CACUL1: variants seen among roughly 807,000 people sequenced by gnomAD.
The protein encoded by CACUL1 is CDK2-associated and cullin domain-containing protein 1.
CACUL1 carries 13 observed loss-of-function variants against 45.2 expected under a neutral mutation model. That is an observed-to-expected ratio of 0.29 (90% CI 0.19 to 0.46). The LOEUF is 0.46. Among genes scored for constraint, CACUL1 ranks in the 20% least tolerant of loss-of-function variants. The probability of loss-of-function intolerance (pLI) is 1.00; values close to 1 mark genes in which losing one functional copy is unlikely to be tolerated. For missense variants in CACUL1, 421 were observed against 471.4 expected (o/e 0.89, Z 0.99); for synonymous variants, 197 against 174.2 (o/e 1.13, Z -1.03).
intron 4 of CACUL1, among the ~76,000 whole-genome samples, chr10:118,706,106 G>A (rs1480148999): frequency 2.0e-5 from 3 of 152,192 alleles, no homozygotes; most frequent in East Asian, 3.8e-4. Context: ...ACAGAAAAGC[G>A]TGAATCACCT....
intron 3 of CACUL1, among the ~76,000 whole-genome samples, chr10:118,716,140 G>A (rs1845542100): frequency 6.6e-6 from 1 of 151,780 alleles, no homozygotes; most frequent in Non-Finnish European, 1.5e-5. Flanking sequence ...GCTGAGGCAG[G>A]AGAATGGCAT....
chr10:118,737,689 TAA>T lies in CACUL1; in HGVS notation c.368-7281_368-7280del, dbSNP rs60182117. 8.6e-3 allele frequency among the ~76,000 whole-genome samples: 1,214 copies of T among 141,390 alleles called. 14 individuals are homozygous for T. The highest frequency in any genetic ancestry group is 0.023 in the African/African-American group (895 of 38,348). The allele number at this position is 141,390 out of a possible 152,430, so 92.8% of individuals were successfully genotyped here. ...GAAACCTCCTTCATCACTACTATCT[TAA>T]AAAAAAAAAAAAAAACCTAGCTGTA... On this transcript the variant is annotated intron_variant, in intron 1 of 8. Coordinates refer to ENST00000369151, the MANE Select transcript of CACUL1 (RefSeq NM_153810.5).
chr10:118,716,906 A>ATCTTAT (rs1190992897), intron 3 of CACUL1, among the ~76,000 whole-genome samples: 2 of 152,158 alleles, frequency 1.3e-5, no homozygotes, highest in Non-Finnish European at 2.9e-5. Flanking sequence ...CCAGCGCACT[A>ATCTTAT]TCTTATTCTT....
Position 118,733,847 on chromosome 10 carries a change from AC to A in CACUL1, c.368-3438del, listed in dbSNP as rs1401838932. On this transcript the variant is annotated intron_variant, in intron 1 of 8. Transcript: ENST00000369151. Reference sequence around the variant, plus strand: ...GGAAACATGGTAAGACCTTACCTCTACAAAAACTTAAAAAAAAAAATTAGCC... The same window carrying A: ...GGAAACATGGTAAGACCTTACCTCTAAAAAACTTAAAAAAAAAAATTAGCC... 1.4e-4 allele frequency among the ~76,000 whole-genome samples: 5 copies of A among 35,012 alleles called. No homozygotes were observed. The East Asian group carries it at 4.1e-3, about 29-fold the overall frequency. The allele number at this position is 35,012 out of a possible 152,430, so 23.0% of individuals were successfully genotyped here.
In CACUL1 at chr10:118,682,239, G is replaced by A. The variant is rs1476390562; in HGVS notation, c.*3889C>T. On this transcript the variant is annotated 3_prime_UTR_variant, in exon 9 of 9. Coordinates refer to ENST00000369151, the MANE Select transcript of CACUL1 (RefSeq NM_153810.5). ...CTAGATGACTAATGTAGGTTGTTTTGCTTTTTAGTTGCAAAGCTTTTCAGT... is the reference window on the plus strand; with the variant it reads ...CTAGATGACTAATGTAGGTTGTTTTACTTTTTAGTTGCAAAGCTTTTCAGT... 1 of 152,146 alleles carries A rather than the reference G, an allele frequency of 6.6e-6. No individual in the cohort carries two copies. The highest frequency in any genetic ancestry group is 2.4e-5 in the African/African-American group (1 of 41,444). 9.4% of individuals were successfully genotyped at this position (152,146 alleles called of 1,614,324 possible). A position where few individuals can be genotyped will look rare whatever the true frequency, so the allele number is the denominator to read the frequency against.
chr10:118,706,272 CTA>C (rs1317937349), intron 4 of CACUL1, among the ~76,000 whole-genome samples: 1 of 152,210 alleles, frequency 6.6e-6, no homozygotes, highest in East Asian at 1.9e-4. Context: ...GTCAAGAAAC[CTA>C]TTTACCCAGC....
intron 1 of CACUL1, among the ~76,000 whole-genome samples, chr10:118,731,838 A>T (rs1267901331): frequency 3.3e-5 from 5 of 152,370 alleles, no homozygotes; most frequent in Admixed American, 6.5e-5. Context: ...ATGTAAATTT[A>T]AAAAATCAAC....
At chr10:118,701,242 A>G in intron 5 of CACUL1, 64 bp downstream of exon 5, 1 of 982,000 alleles carries the variant, frequency 1.0e-6, no homozygotes, top group Non-Finnish European at 1.5e-6. Context: ...CTCAGACCAA[A>G]AAAAAAAGAA....
At chr10:118,686,712 G>T in intron 7 of CACUL1, 71 bp from the exon 8 acceptor site, 1 of 1,065,636 alleles carries the variant, frequency 9.4e-7, no homozygotes, top group Non-Finnish European at 1.5e-6. Flanking sequence ...CAACATATTT[G>T]ATAATAAAAG....
chr10:118,754,483 A>C lies in CACUL1; in HGVS notation c.280T>G (p.Cys94Gly), dbSNP rs777431733. 6.2e-7 allele frequency: 1 copy of C among 1,612,088 alleles called. No individual in the cohort carries two copies. The highest frequency in any genetic ancestry group is 1.1e-5 in the South Asian group (1 of 90,890). The change falls in exon 1 of 9, where the codon TGC becomes GGC. Residue 94 changes from cysteine to glycine, a missense_variant. Cys to Gly is a radical substitution (Grantham distance 159). Transcript: ENST00000369151. ...ANGVIMMLKS[C>G]DAAAAVAKAA... Reference sequence around the variant, plus strand: ...TTGGCCACGGCGGCGGCCGCGTCGCAGCTCTTCAACATCATGATCACCCCA... The same window carrying C: ...TTGGCCACGGCGGCGGCCGCGTCGCCGCTCTTCAACATCATGATCACCCCA...
chr10:118,754,331 G>T, intron 1 of CACUL1, 65 bp downstream of exon 1: 1 of 1,437,670 alleles, frequency 7.0e-7, no homozygotes, highest in Non-Finnish European at 9.1e-7. Context: ...TCTCCAAGAG[G>T]GGGTGGATTC....
At chr10:118,731,119 C>G (rs985169947) in intron 1 of CACUL1, among the ~76,000 whole-genome samples, 1 of 152,108 alleles carries the variant, frequency 6.6e-6, no homozygotes, top group Admixed American at 6.6e-5. Flanking sequence ...ACAGTGGATC[C>G]TAACAGCTTT....
intron 3 of CACUL1, among the ~76,000 whole-genome samples, chr10:118,715,636 C>T (rs1029345049): frequency 2.0e-5 from 3 of 152,128 alleles, no homozygotes; most frequent in Non-Finnish European, 2.9e-5. Flanking sequence ...ACTAACTGGA[C>T]AATGCAGATG....
chr10:118,737,335 C>T (rs1845749511), intron 1 of CACUL1, among the ~76,000 whole-genome samples: 1 of 152,172 alleles, frequency 6.6e-6, no homozygotes, highest in African/African-American at 2.4e-5. Context: ...AAAATGTCTA[C>T]TGTGATCATG....
chr10:118,693,004 C>G (rs1845287073), intron 6 of CACUL1: 1 of 152,226 alleles, frequency 6.6e-6, no homozygotes, highest in Admixed American at 6.5e-5. Flanking sequence ...AACCACTAAT[C>G]AGTCACAGCT....
At chr10:118,730,152 T>C in intron 2 of CACUL1, 132 bp downstream of exon 2, 2 of 1,004,290 alleles carry the variant, frequency 2.0e-6, no homozygotes, top group Non-Finnish European at 3.0e-6. Flanking sequence ...AATCCGTAAG[T>C]GTGGAATACA....
At chr10:118,695,313 C>A in intron 5 of CACUL1, 83 bp from the exon 6 acceptor site, 1 of 782,096 alleles carries the variant, frequency 1.3e-6, no homozygotes, top group Non-Finnish European at 2.3e-6. Flanking sequence ...CCAAAGACTC[C>A]TGAAACATAA....
Position 118,749,978 on chromosome 10 carries a change from C to T in CACUL1, c.367+4418G>A, listed in dbSNP as rs180679309. On this transcript the variant is annotated intron_variant, in intron 1 of 8. Coordinates refer to ENST00000369151, the MANE Select transcript of CACUL1 (RefSeq NM_153810.5). ...AAAGTAATAAACTCGAAGCAACAAA[C>T]AACACATCTCTGTGGGAACTATAGA... 2.6e-5 allele frequency among the ~76,000 whole-genome samples: 4 copies of T among 152,284 alleles called. No homozygotes were observed. In the East Asian group the frequency reaches 7.7e-4, roughly 29 times the overall value.
chr10:118,692,532 A>G (rs1388257921), intron 6 of CACUL1: 1 of 152,238 alleles, frequency 6.6e-6, no homozygotes, highest in Non-Finnish European at 1.5e-5. Flanking sequence ...TGAACATTAA[A>G]GAGAATTAAC....
Sources: gnomAD v4.1 joint callset for allele counts (sites outside exome capture counted in the v4.1 genomes callset) on GRCh38, gnomAD v4.1.1 for gene constraint, MANE v1.5 for transcripts, NCBI Gene and HGNC (gene_info 2026-07-23, HGNC 2026-07-21) for gene names.